The following SUPT3H variants were observed in gnomAD, a reference collection of about 807,000 sequenced individuals.
SUPT3H encodes transcription initiation protein SPT3 homolog.
In SUPT3H, 44 loss-of-function variants were observed where a neutral mutation model predicts 44.3. The observed-to-expected ratio is 0.99, with a 90% CI of 0.78 to 1.28. The LOEUF (loss-of-function observed/expected upper bound fraction) is 1.28, where lower values mean the gene tolerates loss of function less well. SUPT3H is among the 50% of genes most tolerant of loss of function. The probability of loss-of-function intolerance (pLI) is 0.00; values close to 1 mark genes in which losing one functional copy is unlikely to be tolerated. For synonymous variants in SUPT3H, 124 were observed against 125.6 expected (o/e 0.99, Z 0.09); for missense variants, 380 against 387.1 (o/e 0.98, Z 0.15).
chr6:44,838,726 C>T (rs772123620), intron 10 of SUPT3H, among the ~76,000 whole-genome samples: 1 of 152,052 alleles, frequency 6.6e-6, no homozygotes, highest in African/African-American at 2.4e-5. Context: ...TGCTTTAGGG[C>T]CTGGCATAAA....
intron 2 of SUPT3H, chr6:45,328,161 AAGAG>A (rs574843755): frequency 5.0e-5 from 35 of 697,966 alleles, no homozygotes; most frequent in South Asian, 3.7e-4. Flanking sequence ...TTGTGAGAGA[AAGAG>A]AGAGAGAGAA....
intron 7 of SUPT3H, among the ~76,000 whole-genome samples, chr6:44,956,397 T>C (rs1421322171): frequency 2.1e-5 from 3 of 143,212 alleles, no homozygotes; most frequent in Admixed American, 1.5e-4. Flanking sequence ...GGCAGGAGAA[T>C]TGATTGAAAC....
intron 2 of SUPT3H, among the ~76,000 whole-genome samples, chr6:45,356,253 G>T (rs1050533378): frequency 4.0e-5 from 6 of 151,396 alleles, no homozygotes; most frequent in Admixed American, 3.9e-4. Flanking sequence ...GTCCAAAAAA[G>T]ATATATTTGC....
At chr6:45,371,097 A>C (rs1187000600) in intron 1 of SUPT3H, among the ~76,000 whole-genome samples, 1 of 152,304 alleles carries the variant, frequency 6.6e-6, no homozygotes, top group Non-Finnish European at 1.5e-5. Flanking sequence ...AGATATGTGG[A>C]AGATTTTGGC....
chr6:45,101,768 A>G (rs1216055691), intron 3 of SUPT3H, among the ~76,000 whole-genome samples: 1 of 152,202 alleles, frequency 6.6e-6, no homozygotes, highest in Non-Finnish European at 1.5e-5. Flanking sequence ...ATAAATATGT[A>G]CAATTATTAT....
At chr6:44,841,214 TTAG>T (rs1770878742) in intron 10 of SUPT3H, among the ~76,000 whole-genome samples, 1 of 152,344 alleles carries the variant, frequency 6.6e-6, no homozygotes, top group East Asian at 1.9e-4. Context: ...GATATTATTA[TTAG>T]TTGTTATATG....
chr6:45,138,102 A>C (rs1376262221), intron 2 of SUPT3H, among the ~76,000 whole-genome samples: 1 of 152,130 alleles, frequency 6.6e-6, no homozygotes, highest in Non-Finnish European at 1.5e-5. Flanking sequence ...AATAATAAAA[A>C]GATGCTCAAC....
At chr6:45,176,708 C>T (rs1811978443) in intron 2 of SUPT3H, among the ~76,000 whole-genome samples, 3 of 152,284 alleles carry the variant, frequency 2.0e-5, no homozygotes, top group African/African-American at 7.2e-5. Context: ...GTGGTTCTCC[C>T]AGCACCCAGC....
chr6:45,244,373 T>C (rs1260510084), intron 2 of SUPT3H, among the ~76,000 whole-genome samples: 1 of 152,218 alleles, frequency 6.6e-6, no homozygotes, highest in African/African-American at 2.4e-5. Flanking sequence ...ACCTTATTTA[T>C]ATCCTTAATA....
chr6:45,247,245 G>A (rs778646934), intron 2 of SUPT3H, among the ~76,000 whole-genome samples: 1 of 152,200 alleles, frequency 6.6e-6, no homozygotes, highest in Non-Finnish European at 1.5e-5. Flanking sequence ...ATATTTTTCA[G>A]GAAAGAGTTG....
At chr6:45,246,302 C>T (rs529758525) in intron 2 of SUPT3H, among the ~76,000 whole-genome samples, 3 of 152,138 alleles carry the variant, frequency 2.0e-5, no homozygotes, top group Admixed American at 6.6e-5. Context: ...ATTTTTCTTT[C>T]GTTACCTGTG....
intron 2 of SUPT3H, among the ~76,000 whole-genome samples, chr6:45,216,392 T>C (rs1295794805): frequency 1.3e-5 from 2 of 152,074 alleles, no homozygotes; most frequent in South Asian, 2.1e-4. Flanking sequence ...GAACGAAGTA[T>C]ATATAAAACA....
intron 10 of SUPT3H, among the ~76,000 whole-genome samples, chr6:44,907,436 G>A (rs1284117735): frequency 6.6e-6 from 1 of 152,188 alleles, no homozygotes; most frequent in Non-Finnish European, 1.5e-5. Flanking sequence ...CGACACTTTG[G>A]GAGGCTGAGA....
At chr6:44,903,718 G>C (rs1225138517) in intron 10 of SUPT3H, among the ~76,000 whole-genome samples, 1 of 152,116 alleles carries the variant, frequency 6.6e-6, no homozygotes, top group Admixed American at 6.5e-5. Context: ...GCCGGGCAGA[G>C]ACACCACCAA....
chr6:44,862,677 C>A (rs370658420), intron 10 of SUPT3H, among the ~76,000 whole-genome samples: 149 of 138,656 alleles, frequency 1.1e-3, no homozygotes, highest in Admixed American at 2.1e-3. Context: ...AACTCTGTAT[C>A]AAAAAAAAAA....
intron 2 of SUPT3H, among the ~76,000 whole-genome samples, chr6:45,182,705 A>T (rs1813502212): frequency 6.6e-6 from 1 of 152,250 alleles, no homozygotes; most frequent in Non-Finnish European, 1.5e-5. Context: ...ACAGGAATGG[A>T]AGGCTGTATT....
chr6:45,328,148 CT>C, intron 2 of SUPT3H: 1 of 629,924 alleles, frequency 1.6e-6, no homozygotes, highest in Non-Finnish European at 2.3e-6. Context: ...TACCACAAGC[CT>C]TTTGTGAGAG....
intron 2 of SUPT3H, among the ~76,000 whole-genome samples, chr6:45,245,061 T>A (rs1771100017): frequency 6.6e-6 from 1 of 152,106 alleles, no homozygotes; most frequent in Non-Finnish European, 1.5e-5. Context: ...TTTGTAAAAA[T>A]CATTTTTTAA....
intron 2 of SUPT3H, among the ~76,000 whole-genome samples, chr6:45,164,441 A>C (rs1362524650): frequency 6.6e-6 from 1 of 152,210 alleles, no homozygotes; most frequent in Non-Finnish European, 1.5e-5. Context: ...GAATCTAACT[A>C]CCAAGAATTA....
Sources: gnomAD v4.1 joint callset for allele counts (sites outside exome capture counted in the v4.1 genomes callset) on GRCh38, gnomAD v4.1.1 for gene constraint, MANE v1.5 for transcripts, NCBI Gene and HGNC (gene_info 2026-07-23, HGNC 2026-07-21) for gene names.